The following BMPR2 variants were observed in gnomAD, a reference collection of about 807,000 sequenced individuals.
BMPR2 encodes bone morphogenetic protein receptor type 2, also known as bone morphogenetic protein receptor type-2.
BMPR2 carries 29 observed loss-of-function variants against 100.8 expected under a neutral mutation model. The ratio of observed to expected loss-of-function variants is 0.29; its 90% CI spans 0.21 to 0.39. The LOEUF (loss-of-function observed/expected upper bound fraction) is 0.39, where lower values mean the gene tolerates loss of function less well. Ranked by LOEUF, BMPR2 falls within the 10% of genes least tolerant of loss-of-function variation. BMPR2 has a pLI of 1.00. For missense variants in BMPR2, 1,011 were observed against 1,274.5 expected, an observed-to-expected ratio of 0.79 and a Z score of 3.15; for synonymous variants, 382 against 442.3, an observed-to-expected ratio of 0.86 and a Z score of 1.71.
intron 1 of BMPR2, among the ~76,000 whole-genome samples, chr2:202,395,797 A>G (rs1249564638): frequency 6.6e-6 from 1 of 152,006 alleles, no homozygotes; most frequent in African/African-American, 2.4e-5. Flanking sequence ...TTAGCCAGGC[A>G]TGGGGGCGGG....
intron 10 of BMPR2, among the ~76,000 whole-genome samples, chr2:202,550,519 A>G (rs1233111732): frequency 6.6e-6 from 1 of 152,004 alleles, no homozygotes; most frequent in Non-Finnish European, 1.5e-5. Flanking sequence ...TGCCTAGCCT[A>G]GATTTATAAT....
At chr2:202,490,218 A>G (rs1373626299) in intron 3 of BMPR2, among the ~76,000 whole-genome samples, 1 of 152,224 alleles carries the variant, frequency 6.6e-6, no homozygotes, top group East Asian at 1.9e-4. Flanking sequence ...GGTACACTCC[A>G]TCTATCACGA....
rs571828069 is a variant in BMPR2 at position 202,535,054 on chromosome 2, C to G, written c.1276+2322C>G. On this transcript the variant is annotated intron_variant, in intron 9 of 12. Coordinates refer to ENST00000374580, the MANE Select transcript of BMPR2 (RefSeq NM_001204.7). ...GGGTGGCTGACCCCCCCACCTCCCT[C>G]CCGGACAGGTCGGCTGGCCTGGCTG... Among the ~76,000 whole-genome samples the G allele has an allele frequency of 1.0e-3, 149 of 143,366 alleles. 23 individuals carry two copies. The highest frequency in any genetic ancestry group is 8.9e-3 in the Admixed American group (128 of 14,306). The allele number at this position is 143,366 out of a possible 152,430, so 94.1% of individuals were successfully genotyped here. A position where few individuals can be genotyped will look rare whatever the true frequency, so the allele number is the denominator to read the frequency against.
chr2:202,398,597 T>G (rs1026582688), intron 1 of BMPR2, among the ~76,000 whole-genome samples: 1 of 152,188 alleles, frequency 6.6e-6, no homozygotes, highest in African/African-American at 2.4e-5. Context: ...TAAGACAAAA[T>G]ATTAACTGCT....
intron 10 of BMPR2, among the ~76,000 whole-genome samples, chr2:202,552,269 C>T (rs996491617): frequency 2.0e-5 from 3 of 152,192 alleles, no homozygotes; most frequent in African/African-American, 7.2e-5. Context: ...GGATTATAGG[C>T]GTGAGCCACT....
intron 3 of BMPR2, among the ~76,000 whole-genome samples, chr2:202,496,946 G>A (rs1304764140): frequency 2.0e-5 from 3 of 152,254 alleles, no homozygotes; most frequent in African/African-American, 4.8e-5. Flanking sequence ...TGCGTGCCAC[G>A]CTTGCGGGCC....
chr2:202,511,351 A>G (rs1474468430), intron 3 of BMPR2, among the ~76,000 whole-genome samples: 1 of 152,158 alleles, frequency 6.6e-6, no homozygotes, highest in Non-Finnish European at 1.5e-5. Context: ...CGGGTGTTGT[A>G]AATAGTGATG....
chr2:202,444,829 C>T (rs1263095148), intron 1 of BMPR2, among the ~76,000 whole-genome samples: 1 of 150,766 alleles, frequency 6.6e-6, no homozygotes, highest in African/African-American at 2.5e-5. Flanking sequence ...ACCCTTGTTT[C>T]CCAGGCTGAA....
Position 202,491,610 on chromosome 2 carries a change from G to A in BMPR2, c.419-22109G>A, listed in dbSNP as rs897452473. Among the ~76,000 whole-genome samples, 3 of 152,014 alleles carry A rather than the reference G, an allele frequency of 2.0e-5. No individual in the cohort carries two copies. In the East Asian group the frequency reaches 5.8e-4, roughly 29 times the overall value. On this transcript the variant is annotated intron_variant, in intron 3 of 12. Coordinates refer to ENST00000374580, the MANE Select transcript of BMPR2 (RefSeq NM_001204.7). Reference sequence around the variant, plus strand: ...AGCTAATTTTTGTATTTTTAGCGGAGACCAGGTTTCATGATATTGGTCAGG... The same window carrying A: ...AGCTAATTTTTGTATTTTTAGCGGAAACCAGGTTTCATGATATTGGTCAGG...
chr2:202,547,860 G>C (rs1688404412), intron 10 of BMPR2, among the ~76,000 whole-genome samples: 1 of 151,570 alleles, frequency 6.6e-6, no homozygotes, highest in African/African-American at 2.4e-5. Flanking sequence ...GAGGTGGGTG[G>C]ATTGCTTGAG....
In BMPR2 at chr2:202,480,953, TAAAAAAAAAAAA is replaced by T. The variant is rs71035011; in HGVS notation, c.418+13280_418+13291del. Among the ~76,000 whole-genome samples, 18 of 43,356 alleles carry T rather than the reference TAAAAAAAAAAAA, an allele frequency of 4.2e-4. 1 individual carries two copies. Among genetic ancestry groups the T allele is most frequent in the East Asian group, 2.0e-3 (3 of 1,472 alleles). 28.4% of individuals were successfully genotyped at this position (43,356 alleles called of 152,430 possible). On this transcript the variant is annotated intron_variant, in intron 3 of 12. Coordinates refer to ENST00000374580, the MANE Select transcript of BMPR2 (RefSeq NM_001204.7). ...CTGGGCGACAGACCGAGACTCCGTC[TAAAAAAAAAAAA>T]AAAAAAAAAAAAAAATCAATTGACC...
At chr2:202,528,192 A>G (rs1687954332) in intron 7 of BMPR2, among the ~76,000 whole-genome samples, 1 of 152,062 alleles carries the variant, frequency 6.6e-6, no homozygotes. Flanking sequence ...GTTTTTATTT[A>G]TTTATTTACT....
At chr2:202,522,449 A>T in intron 7 of BMPR2, among the ~76,000 whole-genome samples, 1 of 148,492 alleles carries the variant, frequency 6.7e-6, no homozygotes, top group East Asian at 2.1e-4. Context: ...AGAGGTTGCA[A>T]TGAGCCGAGA....
chr2:202,434,472 G>A lies in BMPR2; in HGVS notation c.77-30337G>A, dbSNP rs192065933. On this transcript the variant is annotated intron_variant, in intron 1 of 12. Transcript: ENST00000374580. ...CAAAGCTTTAGCAGAAAAACACTAG[G>A]GAGAAATTTGTTAAAGAGTCCTTCT... Among the ~76,000 whole-genome samples the A allele has an allele frequency of 2.7e-5, 4 of 150,344 alleles. No individual in the cohort carries two copies. In the East Asian group the frequency reaches 7.7e-4, roughly 29 times the overall value.
At chr2:202,512,875 T>C (rs1687649352) in intron 3 of BMPR2, among the ~76,000 whole-genome samples, 1 of 152,148 alleles carries the variant, frequency 6.6e-6, no homozygotes, top group Non-Finnish European at 1.5e-5. Context: ...AAAGCCATGC[T>C]ATTTTCATTA....
Position 202,508,238 on chromosome 2 carries a change from A to G in BMPR2, c.419-5481A>G, listed in dbSNP as rs892394059. Among the ~76,000 whole-genome samples, 9 of 151,626 alleles carry G rather than the reference A, an allele frequency of 5.9e-5. No individual in the cohort carries two copies. The South Asian group carries it at 8.3e-4, about 14-fold the overall frequency. On this transcript the variant is annotated intron_variant, in intron 3 of 12. Transcript: ENST00000374580. ...CTCCTGAATAGCTGGGATTACAGGC[A>G]CGCACCACCACACCTGGCTAATTTT...
chr2:202,559,577 A>C, intron 12 of BMPR2, 119 bp from the exon 13 acceptor site: 2 of 1,137,464 alleles, frequency 1.8e-6, no homozygotes, highest in Non-Finnish European at 2.6e-6. Flanking sequence ...TATGAATTTC[A>C]AGAAATGTTC....
At chr2:202,458,734 T>C (rs1041806823) in intron 1 of BMPR2, among the ~76,000 whole-genome samples, 3 of 152,212 alleles carry the variant, frequency 2.0e-5, no homozygotes, top group African/African-American at 4.8e-5. Flanking sequence ...AATTTTCTTA[T>C]ACATTTGGGA....
intron 3 of BMPR2, among the ~76,000 whole-genome samples, chr2:202,490,201 GCAAGGAGGTA>G (rs1481173752): frequency 1.3e-5 from 2 of 152,168 alleles, no homozygotes; most frequent in African/African-American, 4.8e-5. Flanking sequence ...AAGTCAAGGG[GCAAGGAGGTA>G]CACTCCATCT....
Sources: gnomAD v4.1 joint callset for allele counts (sites outside exome capture counted in the v4.1 genomes callset) on GRCh38, gnomAD v4.1.1 for gene constraint, MANE v1.5 for transcripts, NCBI Gene and HGNC (gene_info 2026-07-23, HGNC 2026-07-21) for gene names.